CCDC178: variants seen among roughly 807,000 people sequenced by gnomAD.
The protein encoded by CCDC178 is coiled-coil domain containing 178.
A neutral mutation model predicts 117.4 loss-of-function variants in CCDC178; 126 were observed. The ratio of observed to expected loss-of-function variants is 1.07; its 90% CI spans 0.93 to 1.24. The LOEUF is 1.24. CCDC178 is among the 50% of genes most tolerant of loss of function. The pLI is 0.00. For missense variants in CCDC178, 1,030 were observed against 986.9 expected (o/e 1.04, Z -0.59); for synonymous variants, 283 against 313.4 (o/e 0.90, Z 1.02).
intron 11 of CCDC178, among the ~76,000 whole-genome samples, chr18:33,303,897 A>G (rs138906513): frequency 6.7e-4 from 102 of 152,182 alleles, no homozygotes; most frequent in African/African-American, 2.3e-3. Context: ...TAAATGAGAG[A>G]GGGAGGAAAG....
chr18:33,308,413 T>C (rs1213224041), intron 11 of CCDC178, among the ~76,000 whole-genome samples: 2 of 152,176 alleles, frequency 1.3e-5, no homozygotes, highest in Non-Finnish European at 1.5e-5. Context: ...TGTACCCCCA[T>C]TGTGTCTAGG....
chr18:33,142,767 T>C (rs1458392658), intron 20 of CCDC178, among the ~76,000 whole-genome samples: 1 of 152,140 alleles, frequency 6.6e-6, no homozygotes, highest in African/African-American at 2.4e-5. Flanking sequence ...TTTGCAAACA[T>C]ATAAACATCC....
intron 12 of CCDC178, among the ~76,000 whole-genome samples, chr18:33,283,183 T>C (rs2060046881): frequency 1.3e-5 from 2 of 151,924 alleles, no homozygotes; most frequent in Admixed American, 6.5e-5. Flanking sequence ...ATACAAGTCC[T>C]CCCAAGTCAG....
intron 21 of CCDC178, among the ~76,000 whole-genome samples, chr18:33,042,633 A>T (rs1221780878): frequency 4.6e-5 from 7 of 151,902 alleles, no homozygotes; most frequent in Non-Finnish European, 8.8e-5. Flanking sequence ...GTATTAGGAA[A>T]ATGGTTTTAA....
chr18:33,439,304 T>C (rs2064341684), intron 2 of CCDC178, among the ~76,000 whole-genome samples: 1 of 152,182 alleles, frequency 6.6e-6, no homozygotes, highest in Non-Finnish European at 1.5e-5. Context: ...AACAAATTAG[T>C]TGAGTCTAAG....
intron 20 of CCDC178, 59 bp from the exon 21 acceptor site, chr18:33,092,969 T>A: frequency 9.4e-7 from 1 of 1,058,540 alleles, no homozygotes; most frequent in Non-Finnish European, 1.3e-6. Flanking sequence ...GCAATTAAAA[T>A]CATTTGGATT....
At chr18:33,228,439 G>A (rs181919429) in intron 15 of CCDC178, among the ~76,000 whole-genome samples, 2 of 152,254 alleles carry the variant, frequency 1.3e-5, no homozygotes, top group Admixed American at 6.5e-5. Flanking sequence ...TGTGTGGCTT[G>A]GAAAGAACTG....
chr18:33,354,653 C>T (rs1402776274), intron 7 of CCDC178, among the ~76,000 whole-genome samples: 2 of 150,772 alleles, frequency 1.3e-5, no homozygotes, highest in Admixed American at 1.3e-4. Flanking sequence ...CTCTGTCGCC[C>T]AGGTTGGAAT....
At chr18:33,317,383 C>T (rs2062434524) in intron 11 of CCDC178, among the ~76,000 whole-genome samples, 3 of 152,158 alleles carry the variant, frequency 2.0e-5, no homozygotes, top group Non-Finnish European at 4.4e-5. Flanking sequence ...AAACTCCGAA[C>T]ACATCCGAAC....
chr18:33,058,351 T>C (rs761947489), intron 21 of CCDC178, among the ~76,000 whole-genome samples: 62 of 152,180 alleles, frequency 4.1e-4, no homozygotes, highest in Non-Finnish European at 7.2e-4. Context: ...TGATACAACA[T>C]GGTAAGCCTT....
intron 20 of CCDC178, among the ~76,000 whole-genome samples, chr18:33,209,830 C>A (rs1449441680): frequency 6.6e-6 from 1 of 151,938 alleles, no homozygotes; most frequent in Non-Finnish European, 1.5e-5. Flanking sequence ...ACATAGTTAA[C>A]AGAATCCTTA....
chr18:32,964,230 T>C (rs771800262), intron 22 of CCDC178, among the ~76,000 whole-genome samples: 4 of 152,032 alleles, frequency 2.6e-5, no homozygotes, highest in Non-Finnish European at 4.4e-5. Flanking sequence ...AAGGAAGATA[T>C]TTGGTTAAAT....
At position 33,032,158 on chromosome 18, in the gene CCDC178, A is replaced by G. The variant is rs528473142; in HGVS notation, c.2389-57477T>C. On this transcript the variant is annotated intron_variant, in intron 21 of 22. Coordinates refer to ENST00000383096, the MANE Select transcript of CCDC178 (RefSeq NM_001105528.4). ...GTGCTAGTGCTCCATTTACTGACTC[A>G]GTTTGTTTTTTCATGGTTGTGTCTG... Among the ~76,000 whole-genome samples, 5 of 152,202 alleles carry G rather than the reference A, an allele frequency of 3.3e-5. No homozygotes were observed. In the South Asian group the frequency reaches 1.0e-3, roughly 32 times the overall value.
intron 21 of CCDC178, among the ~76,000 whole-genome samples, chr18:33,092,477 A>C (rs937414691): frequency 6.6e-6 from 1 of 152,136 alleles, no homozygotes; most frequent in African/African-American, 2.4e-5. Flanking sequence ...CTATGATAAT[A>C]TATTTAAATC....
At chr18:32,978,668 T>C (rs1404329829) in intron 21 of CCDC178, among the ~76,000 whole-genome samples, 1 of 152,170 alleles carries the variant, frequency 6.6e-6, no homozygotes, top group Non-Finnish European at 1.5e-5. Flanking sequence ...CAGAAATCAA[T>C]ACCCCTTTTT....
chr18:33,103,796 G>T (rs1206334479), intron 20 of CCDC178, among the ~76,000 whole-genome samples: 1 of 151,682 alleles, frequency 6.6e-6, no homozygotes, highest in Non-Finnish European at 1.5e-5. Flanking sequence ...AACTTCTGTT[G>T]GGGGGCTCAG....
intron 10 of CCDC178, among the ~76,000 whole-genome samples, chr18:33,323,968 C>T (rs868407736): frequency 1.9e-4 from 29 of 151,730 alleles, no homozygotes; most frequent in African/African-American, 7.0e-4. Flanking sequence ...AACAAAGTGA[C>T]CTGTACTCCT....
intron 12 of CCDC178, among the ~76,000 whole-genome samples, chr18:33,287,814 C>T (rs1208961102): frequency 6.6e-6 from 1 of 151,920 alleles, no homozygotes; most frequent in African/African-American, 2.4e-5. Context: ...AAATAAATAA[C>T]ATTTTGTTAA....
rs567085483 is a variant in CCDC178, at chr18:32,941,541, A to T, written c.2524-3450T>A. 6.6e-5 allele frequency among the ~76,000 whole-genome samples: 10 copies of T among 152,292 alleles called. No individual in the cohort carries two copies. In the South Asian group the frequency reaches 2.1e-3, roughly 32 times the overall value. ...TTTATTAGAGATTTTATTACTTTTC[A>T]TCAAGAAATCACTGAGGTCACTTTT... On this transcript the variant is annotated intron_variant, in intron 22 of 22. Coordinates refer to ENST00000383096, the MANE Select transcript of CCDC178 (RefSeq NM_001105528.4).
Sources: gnomAD v4.1 joint callset for allele counts (sites outside exome capture counted in the v4.1 genomes callset) on GRCh38, gnomAD v4.1.1 for gene constraint, MANE v1.5 for transcripts, NCBI Gene and HGNC (gene_info 2026-07-23, HGNC 2026-07-21) for gene names.